The following UPK1B variants were observed in gnomAD, a reference collection of about 807,000 sequenced individuals.
The protein encoded by UPK1B is uroplakin 1B.
Under a neutral mutation model 34.2 loss-of-function variants are expected in UPK1B, and 28 were observed. The ratio of observed to expected loss-of-function variants is 0.82; its 90% confidence interval spans 0.61 to 1.12. UPK1B has a LOEUF of 1.12. Ranked by LOEUF, UPK1B falls within the 50% of genes most tolerant of loss-of-function variation. The pLI is 0.00. For missense variants in UPK1B, 325 were observed against 320.9 expected, an observed-to-expected ratio of 1.01 and a Z score of -0.10; for synonymous variants, 81 against 110.4, an observed-to-expected ratio of 0.73 and a Z score of 1.67.
chr3:119,185,576 T>C (rs1034354167), intron 1 of UPK1B, among the ~76,000 whole-genome samples: 1 of 152,132 alleles, frequency 6.6e-6, no homozygotes, highest in African/African-American at 2.4e-5. Context: ...CTCACAATAT[T>C]TCATCTCACT....
chr3:119,204,211 T>C lies in UPK1B; in HGVS notation c.*244T>C. 4.2e-6 allele frequency: 2 copies of C among 474,332 alleles called. No individual in the cohort carries two copies. The highest frequency in any genetic ancestry group is 7.4e-6 in the Non-Finnish European group (2 of 268,512). 29.4% of individuals were successfully genotyped at this position (474,332 alleles called of 1,614,324 possible). A position where few individuals can be genotyped will look rare whatever the true frequency, so the allele number is the denominator to read the frequency against. On this transcript the variant is annotated 3_prime_UTR_variant, in exon 8 of 8. Transcript: ENST00000264234. ...ACTGTTGAAAGGAGAATTTGAAAAA[T>C]GCATAATAACTACTTCCATCCCTGC...
At chr3:119,195,053 T>G (rs1193717324) in intron 6 of UPK1B, among the ~76,000 whole-genome samples, 2 of 152,196 alleles carry the variant, frequency 1.3e-5, no homozygotes, top group African/African-American at 4.8e-5. Flanking sequence ...TAGGTGCCAG[T>G]AGGATCCCTG....
chr3:119,181,736 G>C (rs1330108144), intron 1 of UPK1B, among the ~76,000 whole-genome samples: 1 of 152,150 alleles, frequency 6.6e-6, no homozygotes, highest in Non-Finnish European at 1.5e-5. Flanking sequence ...AAACAATTGA[G>C]TGCGCCTACT....
chr3:119,190,393 C>A, intron 4 of UPK1B, 74 bp downstream of exon 4: 1 of 1,157,018 alleles, frequency 8.6e-7, no homozygotes, highest in Non-Finnish European at 1.3e-6. Flanking sequence ...TAACCCCTTA[C>A]TATGTGCCCA....
At chr3:119,202,069 G>A (rs1379573253) in intron 7 of UPK1B, among the ~76,000 whole-genome samples, 4 of 152,176 alleles carry the variant, frequency 2.6e-5, no homozygotes, top group African/African-American at 9.7e-5. Flanking sequence ...AAGAGGGAAG[G>A]GAAGGGAAGG....
At chr3:119,194,172 T>C (rs769268693) in intron 5 of UPK1B, 47 bp from the exon 6 acceptor site, 86 of 1,593,860 alleles carry the variant, frequency 5.4e-5, no homozygotes, top group Non-Finnish European at 7.4e-5. Flanking sequence ...TTGATGGCTC[T>C]AGTAGGGACC....
At chr3:119,179,805 CTTTTTTTTTTTTTTTTTTTTTT>C (rs869040325) in intron 1 of UPK1B, among the ~76,000 whole-genome samples, 4 of 50,600 alleles carry the variant, frequency 7.9e-5, no homozygotes, top group Non-Finnish European at 1.5e-4. Context: ...CCACGCCCGG[CTTTTTTTTTTTTTTTTTTTTTT>C]TTTTTTTTTT....
intron 7 of UPK1B, among the ~76,000 whole-genome samples, chr3:119,201,843 C>T (rs771215041): frequency 3.9e-5 from 6 of 152,104 alleles, no homozygotes; most frequent in African/African-American, 1.4e-4. Context: ...GTTCTTTGTA[C>T]CCCCAGTGCC....
At chr3:119,183,284 T>TC (rs1559900860) in intron 1 of UPK1B, among the ~76,000 whole-genome samples, 2 of 150,682 alleles carry the variant, frequency 1.3e-5, no homozygotes, top group Non-Finnish European at 1.5e-5. Context: ...TTTTTTTTTT[T>TC]TGGAGATGGA....
chr3:119,204,048 C>A lies in UPK1B; in HGVS notation c.*81C>A. The A allele has an allele frequency of 1.3e-6, 2 of 1,500,248 alleles. No individual in the cohort carries two copies. Among genetic ancestry groups the A allele is most frequent in the Non-Finnish European group, 1.8e-6 (2 of 1,083,626 alleles). 92.9% of individuals were successfully genotyped at this position (1,500,248 alleles called of 1,614,324 possible). On this transcript the variant is annotated 3_prime_UTR_variant, in exon 8 of 8. Transcript: ENST00000264234. ...GAACCAGCTCTCTCCTAATATTCCA[C>A]GTTTGTGCCCCACACTAACGTGTGT...
At position 119,204,055 on chromosome 3, in the gene UPK1B, G is replaced by A; in HGVS notation, c.*88G>A. The stretch of plus-strand genomic sequence containing the variant: ...CTCTCTCCTAATATTCCACGTTTGT[G>A]CCCCACACTAACGTGTGTGTCTTAC... On this transcript the variant is annotated 3_prime_UTR_variant, in exon 8 of 8. Coordinates refer to ENST00000264234, the MANE Select transcript of UPK1B (RefSeq NM_006952.4). The A allele has an allele frequency of 2.0e-6, 3 of 1,465,254 alleles. No homozygotes were observed. In the Admixed American group the frequency reaches 5.1e-5, roughly 25 times the overall value. The allele number at this position is 1,465,254 out of a possible 1,614,324, so 90.8% of individuals were successfully genotyped here.
intron 1 of UPK1B, among the ~76,000 whole-genome samples, chr3:119,175,130 C>T (rs562603692): frequency 6.9e-6 from 1 of 144,984 alleles, no homozygotes; most frequent in African/African-American, 2.6e-5. Flanking sequence ...CGGGTAGATG[C>T]CATTCTCCTG....
rs548499292 is a variant in UPK1B, at chr3:119,201,034, G to T, written c.732+1894G>T. Among the ~76,000 whole-genome samples, 4 of 152,180 alleles carry T rather than the reference G, an allele frequency of 2.6e-5. No individual in the cohort carries two copies. In the South Asian group the frequency reaches 8.3e-4, roughly 32 times the overall value. On this transcript the variant is annotated intron_variant, in intron 7 of 7. Transcript: ENST00000264234. ...ATTGAGGACAATCTCAAGTGAAACT[G>T]GCTTTTTAAATTTTTTTTTTTTACT...
intron 1 of UPK1B, among the ~76,000 whole-genome samples, chr3:119,177,083 T>G (rs2077960225): frequency 6.6e-6 from 1 of 152,216 alleles, no homozygotes; most frequent in African/African-American, 2.4e-5. Context: ...CTCATGAAAC[T>G]CAATGTGCCT....
intron 6 of UPK1B, among the ~76,000 whole-genome samples, chr3:119,195,138 G>A (rs533840632): frequency 1.3e-5 from 2 of 152,256 alleles, no homozygotes; most frequent in African/African-American, 4.8e-5. Flanking sequence ...GTAAATGTCC[G>A]TCTTTTCAAA....
chr3:119,190,185 G>T, intron 3 of UPK1B, 60 bp from the exon 4 acceptor site: 1 of 1,293,286 alleles, frequency 7.7e-7, no homozygotes, highest in Non-Finnish European at 1.1e-6. Flanking sequence ...ATAATTATTT[G>T]GGCAAGTCGC....
chr3:119,177,171 G>A (rs1375497541), intron 1 of UPK1B, among the ~76,000 whole-genome samples: 2 of 152,162 alleles, frequency 1.3e-5, no homozygotes, highest in African/African-American at 4.8e-5. Flanking sequence ...TAGGGTAAAC[G>A]GTGAGGAAGC....
At chr3:119,194,440 T>A in intron 6 of UPK1B, 42 bp downstream of exon 6, 1 of 1,539,008 alleles carries the variant, frequency 6.5e-7, no homozygotes, top group Non-Finnish European at 8.7e-7. Context: ...GAGGTTCTGC[T>A]GCTCTTTATG....
rs1223236806 is a variant in UPK1B, at chr3:119,181,408, A to G, written c.-28-5306A>G. ...TCTCCTTTATAAGACAAAAATAAGC[A>G]AAATTAGTATTGGGTAACTAATATT... is the stretch of plus-strand genomic sequence containing the variant. On this transcript the variant is annotated intron_variant, in intron 1 of 7. Transcript: ENST00000264234. Among the ~76,000 whole-genome samples the G allele has an allele frequency of 2.0e-5, 3 of 152,248 alleles. No individual in the cohort carries two copies. The East Asian group carries it at 5.8e-4, about 29-fold the overall frequency.
Sources: gnomAD v4.1 joint callset for allele counts (sites outside exome capture counted in the v4.1 genomes callset) on GRCh38, gnomAD v4.1.1 for gene constraint, MANE v1.5 for transcripts, NCBI Gene and HGNC (gene_info 2026-07-23, HGNC 2026-07-21) for gene names.